PDE5A: variants seen among roughly 807,000 people sequenced by gnomAD.
The protein encoded by PDE5A is phosphodiesterase 5A.
In PDE5A, 67 loss-of-function variants were observed where a neutral mutation model predicts 110.2. The observed-to-expected ratio is 0.61, with a 90% CI of 0.50 to 0.75. The LOEUF is 0.75. Among genes scored for constraint, PDE5A ranks in the 30% least tolerant of loss-of-function variants. The pLI, the probability that PDE5A is intolerant of heterozygous loss-of-function variation, is 0.00. For missense variants in PDE5A, 862 were observed against 1,045.1 expected, an observed-to-expected ratio of 0.82 and a Z score of 2.42; for synonymous variants, 328 against 351.2, an observed-to-expected ratio of 0.93 and a Z score of 0.74.
Position 119,521,022 on chromosome 4 carries a change from A to G in PDE5A, c.1818T>C (p.Tyr606=). ...CRWILSVKKN[Y]RKNVAYHNWR... ...AATTATGATAGGCAACATTCTTCCG[A>G]TAATTCTTCTTAACACTTAAAATCC... The change falls in exon 13 of 21, where the codon TAT becomes TAC. Residue 606 remains tyrosine, a synonymous_variant. Transcript: ENST00000354960. 1 of 1,612,968 alleles carries G rather than the reference A, an allele frequency of 6.2e-7. No homozygotes were observed. The highest frequency in any genetic ancestry group is 8.5e-7 in the Non-Finnish European group (1 of 1,179,128).
intron 12 of PDE5A, among the ~76,000 whole-genome samples, chr4:119,523,728 A>C (rs1033960802): frequency 6.6e-6 from 1 of 152,124 alleles, no homozygotes; most frequent in Non-Finnish European, 1.5e-5. Flanking sequence ...TCTAAAGGCC[A>C]AAGAGAAATA....
intron 3 of PDE5A, among the ~76,000 whole-genome samples, chr4:119,592,783 T>C (rs9998095): frequency 6.6e-6 from 1 of 152,132 alleles, no homozygotes; most frequent in African/African-American, 2.4e-5. Flanking sequence ...TTTTTTCATC[T>C]CATGAAATGC....
intron 1 of PDE5A, among the ~76,000 whole-genome samples, chr4:119,610,641 CACAT>C: frequency 6.6e-6 from 1 of 152,212 alleles, no homozygotes; most frequent in Admixed American, 6.5e-5. Context: ...CCAGTTTTCC[CACAT>C]ATGGAGTACC....
At chr4:119,604,907 G>A (rs555379241) in intron 2 of PDE5A, among the ~76,000 whole-genome samples, 81 of 152,160 alleles carry the variant, frequency 5.3e-4, no homozygotes, top group African/African-American at 1.9e-3. Context: ...TTCTTCATCC[G>A]AAATCCATTC....
chr4:119,575,805 T>C (rs1299375438), intron 3 of PDE5A, among the ~76,000 whole-genome samples: 5 of 152,124 alleles, frequency 3.3e-5, no homozygotes, highest in South Asian at 2.1e-4. Flanking sequence ...CAGCTAACAT[T>C]ATAATGACAG....
intron 3 of PDE5A, among the ~76,000 whole-genome samples, chr4:119,572,444 G>C (rs915235965): frequency 2.6e-5 from 4 of 152,098 alleles, no homozygotes; most frequent in African/African-American, 9.7e-5. Context: ...TTAATATTAA[G>C]AAATCCATCC....
chr4:119,604,035 G>GTAAATTAGA, intron 2 of PDE5A, among the ~76,000 whole-genome samples: 1 of 152,272 alleles, frequency 6.6e-6, no homozygotes, highest in Non-Finnish European at 1.5e-5. Context: ...AGATCACAAT[G>GTAAATTAGA]TAAATTAGAT....
chr4:119,521,174 T>C (rs1726115351), intron 12 of PDE5A, 114 bp from the exon 13 acceptor site: 1 of 1,089,980 alleles, frequency 9.2e-7, no homozygotes, highest in Non-Finnish European at 1.3e-6. Context: ...ATTTGGATCA[T>C]CTTACAGACA....
intron 3 of PDE5A, among the ~76,000 whole-genome samples, chr4:119,589,788 GTCATC>G (rs1269025044): frequency 6.6e-6 from 1 of 151,936 alleles, no homozygotes; most frequent in African/African-American, 2.4e-5. Flanking sequence ...CTTTTTCTCT[GTCATC>G]TCATTTTTCA....
At chr4:119,564,387 G>A (rs1231793415) in intron 5 of PDE5A, among the ~76,000 whole-genome samples, 1 of 152,078 alleles carries the variant, frequency 6.6e-6, no homozygotes, top group Non-Finnish European at 1.5e-5. Context: ...GTAGTTAATT[G>A]AGAATGTGCT....
chr4:119,542,727 TTTCTC>T, intron 9 of PDE5A, 93 bp from the exon 10 acceptor site: 2 of 1,173,968 alleles, frequency 1.7e-6, no homozygotes, highest in African/African-American at 1.5e-5. Flanking sequence ...GTCTTACACT[TTTCTC>T]TTAGGAATGC....
At chr4:119,556,243 A>T (rs1418647867) in intron 7 of PDE5A, among the ~76,000 whole-genome samples, 1 of 152,208 alleles carries the variant, frequency 6.6e-6, no homozygotes, top group Non-Finnish European at 1.5e-5. Context: ...CATCTGGCTA[A>T]GTTCTAGACA....
Position 119,627,122 on chromosome 4 carries a change from G to A in PDE5A, c.152+1398C>T, listed in dbSNP as rs199906568. ...CCGCGCCCCCGGAAAAAGTGGGAAGGGACGTAGGGGGATGCTGAAGGAAGT... is the reference window on the plus strand; with the variant it reads ...CCGCGCCCCCGGAAAAAGTGGGAAGAGACGTAGGGGGATGCTGAAGGAAGT... On this transcript the variant is annotated intron_variant, in intron 1 of 20. Coordinates refer to ENST00000354960, the MANE Select transcript of PDE5A (RefSeq NM_001083.4). This position sits in a 1 kb window ranked among gnomAD's most constrained non-coding sequence, Gnocchi z 4.6. 11 of 1,611,634 alleles carry A rather than the reference G, an allele frequency of 6.8e-6. No individual in the cohort carries two copies. Among genetic ancestry groups the A allele is most frequent in the Non-Finnish European group, 9.3e-6 (11 of 1,178,662 alleles).
At chr4:119,536,572 C>A (rs763075787) in intron 11 of PDE5A, among the ~76,000 whole-genome samples, 1 of 152,134 alleles carries the variant, frequency 6.6e-6, no homozygotes. Context: ...TAAATATAGA[C>A]AATTCCATAT....
intron 3 of PDE5A, among the ~76,000 whole-genome samples, chr4:119,582,366 G>T (rs1272038452): frequency 6.6e-6 from 1 of 152,100 alleles, no homozygotes; most frequent in Admixed American, 6.5e-5. Flanking sequence ...ACATCTTCTG[G>T]CTATATTTCT....
chr4:119,591,469 A>C (rs1456957823), intron 3 of PDE5A, among the ~76,000 whole-genome samples: 2 of 152,234 alleles, frequency 1.3e-5, no homozygotes, highest in African/African-American at 2.4e-5. Context: ...ATTCAAGCCC[A>C]GAGCAAGCAA....
intron 10 of PDE5A, among the ~76,000 whole-genome samples, chr4:119,540,351 C>CCATAT (rs1377635485): frequency 6.6e-6 from 1 of 152,098 alleles, no homozygotes; most frequent in Non-Finnish European, 1.5e-5. Context: ...AGAACTGTTA[C>CCATAT]CATACTGCAC....
intron 15 of PDE5A, 82 bp downstream of exon 15, chr4:119,510,965 G>T: frequency 2.2e-6 from 2 of 906,118 alleles, no homozygotes; most frequent in South Asian, 1.6e-5. Flanking sequence ...TATGATGCTG[G>T]GAATAAATCC....
At chr4:119,516,915 A>C (rs1725928720) in intron 14 of PDE5A, 1 of 152,346 alleles carries the variant, frequency 6.6e-6, no homozygotes, top group South Asian at 2.1e-4. Context: ...CACCGCGCCC[A>C]GCCCTCATTC....
Sources: allele counts gnomAD v4.1 joint callset (sites outside exome capture counted in the v4.1 genomes callset), GRCh38; gene constraint gnomAD v4.1.1; non-coding constraint Gnocchi (gnomAD v3.1); transcripts MANE v1.5; gene names NCBI Gene and HGNC (gene_info 2026-07-23, HGNC 2026-07-21).